Variants in TRIM44 observed in about 807,000 individuals in gnomAD.
TRIM44 encodes the protein tripartite motif-containing protein 44.
Under a neutral mutation model 37.4 loss-of-function variants are expected in TRIM44, and 13 were observed. The observed-to-expected ratio is 0.35, with a 90% CI of 0.23 to 0.55. The LOEUF (loss-of-function observed/expected upper bound fraction) is 0.55. Ranked by LOEUF, TRIM44 falls within the 20% of genes least tolerant of loss-of-function variation. The pLI is 0.89. For missense variants in TRIM44, 426 were observed against 437.2 expected, an observed-to-expected ratio of 0.97 and a Z score of 0.23; for synonymous variants, 175 against 157.2, an observed-to-expected ratio of 1.11 and a Z score of -0.85.
intron 1 of TRIM44, among the ~76,000 whole-genome samples, chr11:35,665,582 ATCTGT>A (rs1336731657): frequency 6.2e-5 from 6 of 96,762 alleles, no homozygotes; most frequent in Non-Finnish European, 1.3e-4. Flanking sequence ...GTTTTTATAT[ATCTGT>A]TTTTTTTTTT....
At chr11:35,737,344 G>C (rs1643576603) in intron 4 of TRIM44, among the ~76,000 whole-genome samples, 1 of 152,136 alleles carries the variant, frequency 6.6e-6, no homozygotes, top group African/African-American at 2.4e-5. Context: ...TTTTAGAAGT[G>C]TCTCCTACCT....
At chr11:35,678,954 A>G (rs895158583) in intron 1 of TRIM44, among the ~76,000 whole-genome samples, 14 of 151,476 alleles carry the variant, frequency 9.2e-5, no homozygotes, top group Non-Finnish European at 1.9e-4. Flanking sequence ...TCTCCCAGAC[A>G]AGACCTTCTG....
Position 35,809,908 on chromosome 11 carries a change from G to C in TRIM44, c.*3523G>C, listed in dbSNP as rs1853507485. The stretch of plus-strand genomic sequence containing the variant: ...GCACACACACACACAATATTTGAGA[G>C]CTAAGGAAAACTCAAAGCAGCCCCT... On this transcript the variant is annotated 3_prime_UTR_variant, in exon 5 of 5. Transcript: ENST00000299413. 1 of 152,146 alleles carries C rather than the reference G, an allele frequency of 6.6e-6. No homozygotes were observed. Among genetic ancestry groups the C allele is most frequent in the Non-Finnish European group, 1.5e-5 (1 of 68,028 alleles). The allele number at this position is 152,146 out of a possible 1,614,324, so 9.4% of individuals were successfully genotyped here. A position where few individuals can be genotyped will look rare whatever the true frequency, so the allele number is the denominator to read the frequency against.
At chr11:35,711,763 G>A (rs1340393632) in intron 2 of TRIM44, among the ~76,000 whole-genome samples, 2 of 151,992 alleles carry the variant, frequency 1.3e-5, no homozygotes, top group African/African-American at 4.8e-5. Context: ...TTCAAAAAAA[G>A]TGCAGAGTAC....
intron 4 of TRIM44, among the ~76,000 whole-genome samples, chr11:35,796,955 T>C (rs538493956): frequency 1.0e-3 from 156 of 152,358 alleles, no homozygotes; most frequent in African/African-American, 3.5e-3. Flanking sequence ...TGGGCATTCC[T>C]GTGCCGATGT....
chr11:35,747,172 T>G (rs1478783944), intron 4 of TRIM44, among the ~76,000 whole-genome samples: 3 of 152,214 alleles, frequency 2.0e-5, no homozygotes, highest in Non-Finnish European at 4.4e-5. Flanking sequence ...AAAGACTAGT[T>G]AAAACTCACT....
chr11:35,794,765 C>T (rs540428478), intron 4 of TRIM44, among the ~76,000 whole-genome samples: 8 of 152,340 alleles, frequency 5.3e-5, no homozygotes, highest in South Asian at 2.1e-4. Context: ...TGAACAGTCA[C>T]GCTTTATACG....
intron 2 of TRIM44, among the ~76,000 whole-genome samples, chr11:35,710,864 A>G (rs1851961773): frequency 6.6e-6 from 1 of 152,216 alleles, no homozygotes; most frequent in African/African-American, 2.4e-5. Flanking sequence ...TTGGGATGGA[A>G]TATTCTGGCC....
intron 2 of TRIM44, among the ~76,000 whole-genome samples, chr11:35,696,531 G>T (rs1851700703): frequency 6.6e-6 from 1 of 151,718 alleles, no homozygotes; most frequent in African/African-American, 2.4e-5. Context: ...CTTTCCCCCA[G>T]CCCCTTTTTT....
intron 2 of TRIM44, chr11:35,724,200 T>C (rs1336876509): frequency 1.3e-5 from 2 of 152,178 alleles, no homozygotes; most frequent in African/African-American, 4.8e-5. Context: ...TTCTTTCGGT[T>C]TCTAAGGGGC....
At chr11:35,667,407 T>G (rs1210783429) in intron 1 of TRIM44, among the ~76,000 whole-genome samples, 1 of 152,256 alleles carries the variant, frequency 6.6e-6, no homozygotes, top group Non-Finnish European at 1.5e-5. Flanking sequence ...TCTTACTCTG[T>G]TGATCAGGCT....
chr11:35,788,656 A>G (rs571244018), intron 4 of TRIM44, among the ~76,000 whole-genome samples: 59 of 152,286 alleles, frequency 3.9e-4, no homozygotes, highest in African/African-American at 1.3e-3. Context: ...CTTTCACACA[A>G]ACCAGTGGTT....
chr11:35,754,282 C>G (rs2133854958), intron 4 of TRIM44, among the ~76,000 whole-genome samples: 1 of 152,208 alleles, frequency 6.6e-6, no homozygotes, highest in South Asian at 2.1e-4. Context: ...AACAGGGAAT[C>G]ATCTCGGATT....
chr11:35,783,656 G>GT (rs1853093364), intron 4 of TRIM44, among the ~76,000 whole-genome samples: 1 of 152,182 alleles, frequency 6.6e-6, no homozygotes. Flanking sequence ...GACGCCTTGT[G>GT]TGTGTGCATA....
chr11:35,727,714 CA>C, intron 3 of TRIM44, among the ~76,000 whole-genome samples: 1 of 152,102 alleles, frequency 6.6e-6, no homozygotes, highest in Non-Finnish European at 1.5e-5. Flanking sequence ...GATACTGACC[CA>C]ATATCATTTA....
rs1385600920 is a variant in TRIM44 at position 35,811,303 on chromosome 11, C to T, written c.*4918C>T. ...AGTAAAATGATCCAGGCCTAGATTA[C>T]ATTTTATGAGCAACTTAGATTATAA... On this transcript the variant is annotated 3_prime_UTR_variant, in exon 5 of 5. Coordinates refer to ENST00000299413, the MANE Select transcript of TRIM44 (RefSeq NM_017583.6). 6.6e-6 allele frequency: 1 copy of T among 152,096 alleles called. No homozygotes were observed. Among genetic ancestry groups the T allele is most frequent in the African/African-American group, 2.4e-5 (1 of 41,408 alleles). The allele number at this position is 152,096 out of a possible 1,614,324, so 9.4% of individuals were successfully genotyped here. A position where few individuals can be genotyped will look rare whatever the true frequency, so the allele number is the denominator to read the frequency against.
At chr11:35,753,730 T>G (rs1852587604) in intron 4 of TRIM44, among the ~76,000 whole-genome samples, 1 of 150,306 alleles carries the variant, frequency 6.7e-6, no homozygotes, top group African/African-American at 2.4e-5. Flanking sequence ...CCAAATTGAT[T>G]TTTTTTTTTT....
At chr11:35,678,766 A>G (rs1851492682) in intron 1 of TRIM44, among the ~76,000 whole-genome samples, 1 of 151,876 alleles carries the variant, frequency 6.6e-6, no homozygotes, top group Admixed American at 6.6e-5. Flanking sequence ...TGCCCGGCTT[A>G]TTTTTGTATT....
chr11:35,789,409 C>T (rs1853172236), intron 4 of TRIM44, among the ~76,000 whole-genome samples: 2 of 152,110 alleles, frequency 1.3e-5, no homozygotes, highest in African/African-American at 4.8e-5. Flanking sequence ...CTTCATACAG[C>T]GTTTAATGAG....
Sources: gnomAD v4.1 joint callset for allele counts (sites outside exome capture counted in the v4.1 genomes callset) on GRCh38, gnomAD v4.1.1 for gene constraint, MANE v1.5 for transcripts, NCBI Gene and HGNC (gene_info 2026-07-23, HGNC 2026-07-21) for gene names.